The following RBFOX1 variants were observed in gnomAD, a reference collection of about 807,000 sequenced individuals.
The protein encoded by RBFOX1 is RNA binding fox-1 homolog 1.
RBFOX1 carries 8 observed loss-of-function variants against 57.7 expected under a neutral mutation model. That is an observed-to-expected ratio of 0.14 (90% CI 0.08 to 0.25). The LOEUF (loss-of-function observed/expected upper bound fraction) is 0.25. Among genes scored for constraint, RBFOX1 ranks in the 10% least tolerant of loss-of-function variants. RBFOX1 has a pLI of 1.00. For synonymous variants in RBFOX1, 326 were observed against 222.4 expected, an observed-to-expected ratio of 1.47 and a Z score of -4.15; for missense variants, 611 against 548.5, an observed-to-expected ratio of 1.11 and a Z score of -1.14.
chr16:6,592,267 G>C (rs1356596916), intron 2 of RBFOX1, among the ~76,000 whole-genome samples: 1 of 152,170 alleles, frequency 6.6e-6, no homozygotes, highest in Non-Finnish European at 1.5e-5. Flanking sequence ...GCAGTAAGTT[G>C]GACATTGCAT....
chr16:6,958,625 G>A (rs1161196607), intron 3 of RBFOX1, among the ~76,000 whole-genome samples: 2 of 152,212 alleles, frequency 1.3e-5, no homozygotes, highest in African/African-American at 4.8e-5. Context: ...GAGTAGGGAT[G>A]TGATGCTATT....
At chr16:6,867,357 T>C (rs1346629366) in intron 3 of RBFOX1, among the ~76,000 whole-genome samples, 1 of 151,506 alleles carries the variant, frequency 6.6e-6, no homozygotes, top group African/African-American at 2.4e-5. Context: ...TCTCTTGGGG[T>C]AGTGATTCTT....
At chr16:6,143,495 T>G (rs1464481896) in intron 1 of RBFOX1, among the ~76,000 whole-genome samples, 1 of 152,066 alleles carries the variant, frequency 6.6e-6, no homozygotes, top group Non-Finnish European at 1.5e-5. Context: ...TGGAGGAAAA[T>G]GTTTCTATAG....
intron 1 of RBFOX1, among the ~76,000 whole-genome samples, chr16:5,440,103 G>T (rs75663981): frequency 6.6e-6 from 1 of 152,152 alleles, no homozygotes; most frequent in African/African-American, 2.4e-5. Context: ...TGTCATGTTG[G>T]ATATAAGGTT....
At chr16:7,348,757 C>T (rs574924121) in intron 4 of RBFOX1, among the ~76,000 whole-genome samples, 1 of 152,256 alleles carries the variant, frequency 6.6e-6, no homozygotes, top group African/African-American at 2.4e-5. Context: ...CCCTGGCCAA[C>T]ATGATGAAAC....
At chr16:7,194,747 G>A (rs2086262877) in intron 4 of RBFOX1, among the ~76,000 whole-genome samples, 1 of 149,852 alleles carries the variant, frequency 6.7e-6, no homozygotes, top group Admixed American at 6.7e-5. Flanking sequence ...GGGGAATATA[G>A]TCAAACCTCA....
At chr16:7,338,013 T>G (rs909378873) in intron 4 of RBFOX1, among the ~76,000 whole-genome samples, 6 of 152,220 alleles carry the variant, frequency 3.9e-5, no homozygotes, top group African/African-American at 1.4e-4. Context: ...TTTTCTGGGT[T>G]TGTGCATCAT....
intron 2 of RBFOX1, among the ~76,000 whole-genome samples, chr16:6,549,287 AGGAGTAGGAGGGAGGAGGG>A (rs2096941688): frequency 2.8e-4 from 1 of 3,636 alleles, no homozygotes; most frequent in Non-Finnish European, 6.9e-4. Flanking sequence ...AGGAGGAGGG[AGGAGTAGGAGGGAGGAGGG>A]AAAAGGAGGA....
intron 4 of RBFOX1, among the ~76,000 whole-genome samples, chr16:7,201,560 T>G (rs1312396285): frequency 6.6e-6 from 1 of 151,996 alleles, no homozygotes; most frequent in Non-Finnish European, 1.5e-5. Context: ...CCCACTGGGT[T>G]CAAACGATTT....
At chr16:7,120,286 AAAG>A (rs1414289543) in intron 4 of RBFOX1, among the ~76,000 whole-genome samples, 27 of 152,162 alleles carry the variant, frequency 1.8e-4, no homozygotes, top group African/African-American at 6.0e-4. Flanking sequence ...ACTATTAAAA[AAAG>A]CAAATCAAAA....
chr16:6,300,803 A>G (rs1308722491), intron 1 of RBFOX1, among the ~76,000 whole-genome samples: 1 of 152,134 alleles, frequency 6.6e-6, no homozygotes, highest in Non-Finnish European at 1.5e-5. Flanking sequence ...CCACCTCCCA[A>G]GTCAGGATAC....
At chr16:5,797,739 A>G (rs546232648) in intron 3 of RBFOX1, among the ~76,000 whole-genome samples, 89 of 152,350 alleles carry the variant, frequency 5.8e-4, no homozygotes, top group African/African-American at 1.9e-3. Flanking sequence ...TAGACCATTT[A>G]GATTTTATTG....
At chr16:5,831,763 G>T (rs112715056) in intron 3 of RBFOX1, among the ~76,000 whole-genome samples, 2 of 151,964 alleles carry the variant, frequency 1.3e-5, no homozygotes, top group Non-Finnish European at 2.9e-5. Context: ...AAATTACCCC[G>T]TGTCAAGTAT....
chr16:5,447,792 C>G (rs1010922930), intron 1 of RBFOX1, among the ~76,000 whole-genome samples: 4 of 152,216 alleles, frequency 2.6e-5, no homozygotes, highest in African/African-American at 9.6e-5. Context: ...AGTGAACTGG[C>G]TTTGCCCACT....
chr16:7,576,232 C>G (rs915720601), intron 5 of RBFOX1, among the ~76,000 whole-genome samples: 1 of 152,076 alleles, frequency 6.6e-6, no homozygotes, highest in African/African-American at 2.4e-5. Context: ...CCCCATTACC[C>G]CATTAATGTC....
At chr16:5,370,302 G>A (rs1227520787) in intron 1 of RBFOX1, among the ~76,000 whole-genome samples, 1 of 151,920 alleles carries the variant, frequency 6.6e-6, no homozygotes, top group Admixed American at 6.6e-5. Context: ...AGATCTAGAC[G>A]GCATCTCCAT....
intron 2 of RBFOX1, among the ~76,000 whole-genome samples, chr16:5,513,303 G>C (rs2043673145): frequency 1.3e-5 from 2 of 152,184 alleles, no homozygotes; most frequent in South Asian, 4.1e-4. Context: ...GTATCTGTCT[G>C]ACGTTTCGAT....
At chr16:6,230,639 G>C (rs747195686) in intron 1 of RBFOX1, among the ~76,000 whole-genome samples, 1 of 152,184 alleles carries the variant, frequency 6.6e-6, no homozygotes, top group African/African-American at 2.4e-5. Context: ...TGATGAGGGA[G>C]TGAGATTAGC....
intron 3 of RBFOX1, among the ~76,000 whole-genome samples, chr16:5,692,297 G>C (rs1277890842): frequency 3.3e-5 from 5 of 152,046 alleles, no homozygotes; most frequent in African/African-American, 1.2e-4. Flanking sequence ...AGAAAACACT[G>C]TGGAAGAGGC....
Sources: gnomAD v4.1 joint callset for allele counts (sites outside exome capture counted in the v4.1 genomes callset) on GRCh38, gnomAD v4.1.1 for gene constraint, MANE v1.5 for transcripts, NCBI Gene and HGNC (gene_info 2026-07-23, HGNC 2026-07-21) for gene names.